The following PTPN14 variants were observed in gnomAD, a reference collection of about 807,000 sequenced individuals.
PTPN14 encodes the protein tyrosine-protein phosphatase non-receptor type 14.
PTPN14 carries 53 observed loss-of-function variants against 126.8 expected under a neutral mutation model. That is an observed-to-expected ratio of 0.42 (90% CI 0.34 to 0.53). The LOEUF (loss-of-function observed/expected upper bound fraction) is 0.53, where lower values mean the gene tolerates loss of function less well. Ranked by LOEUF, PTPN14 falls within the 20% of genes least tolerant of loss-of-function variation. The pLI, the probability that PTPN14 is intolerant of heterozygous loss-of-function variation, is 0.08. For synonymous variants in PTPN14, 630 were observed against 599.3 expected (o/e 1.05, Z -0.75); for missense variants, 1,257 against 1,552.9 (o/e 0.81, Z 3.20).
At chr1:214,508,243 C>A (rs1477515768) in intron 1 of PTPN14, among the ~76,000 whole-genome samples, 1 of 152,184 alleles carries the variant, frequency 6.6e-6, no homozygotes, top group Admixed American at 6.5e-5. Context: ...CAGCATTTTA[C>A]CCACAGTAGA....
At position 214,364,424 on chromosome 1, in the gene PTPN14, A is replaced by G. The variant is rs1207157659; in HGVS notation, c.3435+88T>C. ...TTGGGAGACAGGAAATTAACCACTGAAAATGCAAGGGTGCAGGCAAAGGTT... is the reference window on the plus strand; with the variant it reads ...TTGGGAGACAGGAAATTAACCACTGGAAATGCAAGGGTGCAGGCAAAGGTT... On this transcript the variant is annotated intron_variant, in intron 18 of 18. Coordinates refer to ENST00000366956, the MANE Select transcript of PTPN14 (RefSeq NM_005401.5). This position sits in a 1 kb window ranked among gnomAD's most constrained non-coding sequence, Gnocchi z 4.1. 4.0e-6 allele frequency: 6 copies of G among 1,482,706 alleles called. No homozygotes were observed. The highest frequency in any genetic ancestry group is 5.4e-6 in the Non-Finnish European group (6 of 1,104,298). 91.8% of individuals were successfully genotyped at this position (1,482,706 alleles called of 1,614,324 possible). A position where few individuals can be genotyped will look rare whatever the true frequency, so the allele number is the denominator to read the frequency against.
intron 1 of PTPN14, among the ~76,000 whole-genome samples, chr1:214,492,063 C>T (rs1286152086): frequency 6.6e-6 from 1 of 152,006 alleles, no homozygotes; most frequent in African/African-American, 2.4e-5. Flanking sequence ...TCTTTTTCTA[C>T]TCCATTCTCT....
chr1:214,527,555 T>C (rs1655431370), intron 1 of PTPN14, among the ~76,000 whole-genome samples: 1 of 152,180 alleles, frequency 6.6e-6, no homozygotes, highest in Non-Finnish European at 1.5e-5. Context: ...TCTCTAAAAA[T>C]TAATTATATA....
intron 2 of PTPN14, among the ~76,000 whole-genome samples, chr1:214,461,403 C>A (rs1051902834): frequency 2.0e-5 from 3 of 151,956 alleles, no homozygotes; most frequent in Non-Finnish European, 2.9e-5. Flanking sequence ...GAGGCTGAGG[C>A]GGGAGGATCA....
chr1:214,388,830 G>T (rs1482625623), intron 11 of PTPN14, among the ~76,000 whole-genome samples: 1 of 152,128 alleles, frequency 6.6e-6, no homozygotes, highest in Non-Finnish European at 1.5e-5. Flanking sequence ...TCCCTCAATG[G>T]AAGAAACGCA....
chr1:214,455,146 G>A (rs78253637), intron 2 of PTPN14, among the ~76,000 whole-genome samples: 6,891 of 152,240 alleles, frequency 0.045, 196 homozygotes, highest in Non-Finnish European at 0.064. Context: ...CAGAGCCTAG[G>A]CTCTCATTTC....
intron 1 of PTPN14, among the ~76,000 whole-genome samples, chr1:214,481,384 G>A (rs749194898): frequency 5.3e-5 from 8 of 151,244 alleles, no homozygotes; most frequent in Non-Finnish European, 1.0e-4. Context: ...GGTGGCATGC[G>A]CCTGTAGTCC....
Position 214,357,821 on chromosome 1 carries a change from A to T in PTPN14, c.*101T>A. 2 of 1,023,530 alleles carry T rather than the reference A, an allele frequency of 2.0e-6. No homozygotes were observed. The highest frequency in any genetic ancestry group is 1.7e-5 in the South Asian group (1 of 57,332). The allele number at this position is 1,023,530 out of a possible 1,614,324, so 63.4% of individuals were successfully genotyped here. A position where few individuals can be genotyped will look rare whatever the true frequency, so the allele number is the denominator to read the frequency against. On this transcript the variant is annotated 3_prime_UTR_variant, in exon 19 of 19. Coordinates refer to ENST00000366956, the MANE Select transcript of PTPN14 (RefSeq NM_005401.5). ...GTCTTCAGAGAGCCTGTTTGCTGCCAGCCACCTGCACCCCTGTGGGGGGAG... is the reference window on the plus strand; with the variant it reads ...GTCTTCAGAGAGCCTGTTTGCTGCCTGCCACCTGCACCCCTGTGGGGGGAG...
At chr1:214,393,903 G>T in intron 9 of PTPN14, 126 bp from the exon 10 acceptor site, 1 of 736,236 alleles carries the variant, frequency 1.4e-6, no homozygotes. Flanking sequence ...AATAATACAT[G>T]GGCCAGCAAG....
At chr1:214,456,938 T>C (rs532104977) in intron 2 of PTPN14, among the ~76,000 whole-genome samples, 22 of 152,352 alleles carry the variant, frequency 1.4e-4, no homozygotes, top group African/African-American at 5.3e-4. Flanking sequence ...CAAATACACA[T>C]ATATACTGAC....
intron 1 of PTPN14, among the ~76,000 whole-genome samples, chr1:214,515,209 A>G (rs968313063): frequency 6.6e-6 from 1 of 152,208 alleles, no homozygotes; most frequent in African/African-American, 2.4e-5. Context: ...ACAATGAAAA[A>G]TTTACACATT....
intron 3 of PTPN14, among the ~76,000 whole-genome samples, chr1:214,440,520 T>C (rs1660016427): frequency 6.6e-6 from 1 of 152,232 alleles, no homozygotes; most frequent in South Asian, 2.1e-4. Flanking sequence ...CAGGGACATA[T>C]AATCTAGCCC....
chr1:214,464,950 G>T lies in PTPN14; in HGVS notation c.-147C>A. On this transcript the variant is annotated 5_prime_UTR_variant, in exon 2 of 19. Coordinates refer to ENST00000366956, the MANE Select transcript of PTPN14 (RefSeq NM_005401.5). ...TGTCCATGCCCAGTGTGGCCCTCTG[G>T]AAGATAGCTGTAAATGCAAAAGAAA... 4 of 934,420 alleles carry T rather than the reference G, an allele frequency of 4.3e-6. No individual in the cohort carries two copies. Among genetic ancestry groups the T allele is most frequent in the African/African-American group, 1.7e-5 (1 of 60,008 alleles). The allele number at this position is 934,420 out of a possible 1,614,324, so 57.9% of individuals were successfully genotyped here.
intron 10 of PTPN14, among the ~76,000 whole-genome samples, chr1:214,391,594 T>TA (rs1243786826): frequency 6.6e-6 from 1 of 151,440 alleles, no homozygotes; most frequent in African/African-American, 2.4e-5. Flanking sequence ...ATGTAGAGAT[T>TA]AAAAAATGAA....
intron 13 of PTPN14, among the ~76,000 whole-genome samples, chr1:214,382,566 T>C (rs1003583175): frequency 1.3e-5 from 2 of 152,178 alleles, no homozygotes; most frequent in Non-Finnish European, 2.9e-5. Flanking sequence ...TCCTGGCTTC[T>C]AGTGCTCTTC....
rs1037481193 is a variant in PTPN14, at chr1:214,355,827, T to C, written c.*2095A>G. The C allele has an allele frequency of 1.3e-5, 2 of 152,160 alleles. No individual in the cohort carries two copies. Among genetic ancestry groups the C allele is most frequent in the Non-Finnish European group, 2.9e-5 (2 of 68,034 alleles). The allele number at this position is 152,160 out of a possible 1,614,324, so 9.4% of individuals were successfully genotyped here. A position where few individuals can be genotyped will look rare whatever the true frequency, so the allele number is the denominator to read the frequency against. ...TTGATTTGATGTCACTCCATCTTTTTAGCTCACGGGGGACAAAAGCAGCAA... is the reference window on the plus strand; with the variant it reads ...TTGATTTGATGTCACTCCATCTTTTCAGCTCACGGGGGACAAAAGCAGCAA... On this transcript the variant is annotated 3_prime_UTR_variant, in exon 19 of 19. Transcript: ENST00000366956.
chr1:214,386,249 T>C (rs1571965694), intron 12 of PTPN14, among the ~76,000 whole-genome samples: 1 of 152,310 alleles, frequency 6.6e-6, no homozygotes, highest in South Asian at 2.1e-4. Context: ...AATTGCTCTA[T>C]GAATGTTAGT....
At chr1:214,449,011 C>CTTTTTTTTTTTTTTTT (rs71165970) in intron 3 of PTPN14, among the ~76,000 whole-genome samples, 1,161 of 112,150 alleles carry the variant, frequency 0.01, 169 homozygotes, top group East Asian at 0.023. Context: ...CTTAATTTTT[C>CTTTTTTTTTTTTTTTT]TTTTTTTTTT....
At chr1:214,456,104 T>A (rs1047175297) in intron 2 of PTPN14, among the ~76,000 whole-genome samples, 1 of 137,166 alleles carries the variant, frequency 7.3e-6, no homozygotes, top group African/African-American at 2.6e-5. Flanking sequence ...TCCAGTTTTG[T>A]GACAATGGCA....
Sources: allele counts gnomAD v4.1 joint callset (sites outside exome capture counted in the v4.1 genomes callset), GRCh38; gene constraint gnomAD v4.1.1; non-coding constraint Gnocchi (gnomAD v3.1); transcripts MANE v1.5; gene names NCBI Gene and HGNC (gene_info 2026-07-23, HGNC 2026-07-21).